The following PCDHA1 variants were observed in gnomAD, a reference collection of about 807,000 sequenced individuals.
PCDHA1 encodes the protein protocadherin alpha-1.
A neutral mutation model predicts 61.3 loss-of-function variants in PCDHA1; 42 were observed. That is an observed-to-expected ratio of 0.69 (90% CI 0.54 to 0.89). The LOEUF (loss-of-function observed/expected upper bound fraction) is 0.89. Among genes scored for constraint, PCDHA1 ranks in the 40% least tolerant of loss-of-function variants. The pLI, the probability that PCDHA1 is intolerant of heterozygous loss-of-function variation, is 0.00. For synonymous variants in PCDHA1, 610 were observed against 553.8 expected, an observed-to-expected ratio of 1.10 and a Z score of -1.43; for missense variants, 1,256 against 1,235.3, an observed-to-expected ratio of 1.02 and a Z score of -0.25.
intron 1 of PCDHA1, among the ~76,000 whole-genome samples, chr5:140,820,294 A>G (rs1420774304): frequency 6.6e-6 from 1 of 151,992 alleles, no homozygotes; most frequent in Non-Finnish European, 1.5e-5. Context: ...TATCAGAAAC[A>G]ATTCTATGAC....
intron 1 of PCDHA1, chr5:140,851,016 A>T: frequency 7.0e-7 from 1 of 1,434,004 alleles, no homozygotes; most frequent in East Asian, 2.4e-5. Flanking sequence ...TTTTTTTCTG[A>T]TAAAGTAAAC....
intron 1 of PCDHA1, chr5:140,861,762 T>G (rs2047066854): frequency 1.1e-5 from 1 of 90,318 alleles, no homozygotes; most frequent in Non-Finnish European, 2.3e-5. Context: ...TATTTTTCCC[T>G]GGAAATACCA....
intron 1 of PCDHA1, among the ~76,000 whole-genome samples, chr5:140,913,292 T>G (rs1252467748): frequency 6.6e-6 from 1 of 152,184 alleles, no homozygotes; most frequent in African/African-American, 2.4e-5. Flanking sequence ...AGGTTTTAAT[T>G]TCTTCATAGA....
At position 140,887,505 on chromosome 5, in the gene PCDHA1, T is replaced by G. The variant is rs185975578; in HGVS notation, c.2395-91444T>G. On this transcript the variant is annotated intron_variant, in intron 1 of 3. Transcript: ENST00000504120. ...GGCTTGCATAGTTTCTAATAAGATG[T>G]TTGCTTTTTTATATATGAGTCTTCC... Among the ~76,000 whole-genome samples, 465 of 152,304 alleles carry G rather than the reference T, an allele frequency of 3.1e-3. 3 individuals carry two copies. The highest frequency in any genetic ancestry group is 0.014 in the Middle Eastern group (4 of 294).
At chr5:140,830,283 C>G (rs2150184279) in intron 1 of PCDHA1, 3 of 1,613,760 alleles carry the variant, frequency 1.9e-6, no homozygotes, top group East Asian at 2.2e-5. Context: ...ACCGAGGGCG[C>G]GTGCACGGCG....
chr5:140,842,746 C>T, intron 1 of PCDHA1: 1 of 1,595,086 alleles, frequency 6.3e-7, no homozygotes, highest in South Asian at 1.1e-5. Flanking sequence ...GCCACATCTT[C>T]ACGGTGTCTG....
At chr5:141,004,156 A>G (rs2098155888) in intron 3 of PCDHA1, among the ~76,000 whole-genome samples, 1 of 152,248 alleles carries the variant, frequency 6.6e-6, no homozygotes, top group Admixed American at 6.5e-5. Flanking sequence ...GACATTTTAT[A>G]GGCAAAGCCA....
intron 1 of PCDHA1, chr5:140,794,891 T>G (rs1210802187): frequency 2.7e-6 from 4 of 1,468,412 alleles, no homozygotes; most frequent in Non-Finnish European, 3.7e-6. Context: ...CAGCAGGACT[T>G]TAACAGAGAC....
intron 1 of PCDHA1, chr5:140,794,848 T>C: frequency 8.7e-7 from 1 of 1,153,520 alleles, no homozygotes; most frequent in Non-Finnish European, 1.2e-6. Context: ...AGAGCCCCTT[T>C]GTTACTTCAG....
chr5:140,900,799 G>T (rs797036955), intron 1 of PCDHA1, among the ~76,000 whole-genome samples: 1 of 152,138 alleles, frequency 6.6e-6, no homozygotes, highest in East Asian at 1.9e-4. Context: ...GTTCTCCATA[G>T]TGCTTGTACT....
intron 1 of PCDHA1, chr5:140,867,128 A>G (rs1328487179): frequency 2.0e-5 from 3 of 152,164 alleles, no homozygotes; most frequent in African/African-American, 4.8e-5. Flanking sequence ...TAATTCAAAT[A>G]TGTGATATTA....
At chr5:140,818,856 A>G (rs1442821661) in intron 1 of PCDHA1, among the ~76,000 whole-genome samples, 3 of 152,238 alleles carry the variant, frequency 2.0e-5, no homozygotes, top group African/African-American at 7.2e-5. Flanking sequence ...AACTATAGGT[A>G]GAGGCATAAA....
chr5:140,929,153 A>G (rs1554206749), intron 1 of PCDHA1: 1 of 1,614,164 alleles, frequency 6.2e-7, no homozygotes, highest in East Asian at 2.2e-5. Context: ...TCTCAGACTT[A>G]TCTCTATCGG....
chr5:140,857,483 T>G, intron 1 of PCDHA1: 1 of 1,598,450 alleles, frequency 6.3e-7, no homozygotes. Context: ...GGTGTCTGCG[T>G]GGGACGCGGA....
chr5:140,892,384 A>T (rs1313796499), intron 1 of PCDHA1, among the ~76,000 whole-genome samples: 1 of 152,162 alleles, frequency 6.6e-6, no homozygotes, highest in Non-Finnish European at 1.5e-5. Flanking sequence ...AATCATGGGT[A>T]ATCTTAATCT....
intron 3 of PCDHA1, among the ~76,000 whole-genome samples, chr5:141,000,038 C>T (rs1554257087): frequency 3.3e-5 from 5 of 152,092 alleles, no homozygotes; most frequent in Non-Finnish European, 5.9e-5. Flanking sequence ...TCCAATCACA[C>T]ACACACCACT....
intron 1 of PCDHA1, chr5:140,808,898 G>T (rs1764297648): frequency 6.2e-7 from 1 of 1,613,362 alleles, no homozygotes; most frequent in Non-Finnish European, 8.5e-7. Context: ...GCCTCGGGCG[G>T]GTGGCACTGG....
At chr5:140,965,103 A>G (rs1453303865) in intron 1 of PCDHA1, among the ~76,000 whole-genome samples, 1 of 152,234 alleles carries the variant, frequency 6.6e-6, no homozygotes, top group Non-Finnish European at 1.5e-5. Context: ...TAGCTAGAAA[A>G]TGACCCATAG....
intron 1 of PCDHA1, among the ~76,000 whole-genome samples, chr5:140,937,259 G>A (rs1306999153): frequency 1.3e-5 from 2 of 151,850 alleles, no homozygotes; most frequent in East Asian, 3.9e-4. Context: ...GGATGGTCTC[G>A]ATCTCCTGAC....
Sources: allele counts gnomAD v4.1 joint callset (sites outside exome capture counted in the v4.1 genomes callset), GRCh38; gene constraint gnomAD v4.1.1; transcripts MANE v1.5; gene names NCBI Gene and HGNC (gene_info 2026-07-23, HGNC 2026-07-21).